The following DCDC1 variants were observed in gnomAD, a reference collection of about 807,000 sequenced individuals.
DCDC1 encodes the protein doublecortin domain-containing protein 1.
Under a neutral mutation model 178.3 loss-of-function variants are expected in DCDC1, and 200 were observed. The observed-to-expected ratio is 1.12, with a 90% CI of 1.00 to 1.26. The LOEUF is 1.26. Ranked by LOEUF, DCDC1 falls within the 50% of genes most tolerant of loss-of-function variation. The pLI is 0.00. For missense variants in DCDC1, 1,983 were observed against 1,749.2 expected, an observed-to-expected ratio of 1.13 and a Z score of -2.38; for synonymous variants, 690 against 604.8, an observed-to-expected ratio of 1.14 and a Z score of -2.07.
At chr11:31,200,002 T>A (rs1262850380) in intron 9 of DCDC1, among the ~76,000 whole-genome samples, 1 of 152,124 alleles carries the variant, frequency 6.6e-6, no homozygotes, top group Non-Finnish European at 1.5e-5. Context: ...GATCAATGTT[T>A]ATAAGGAATC....
intron 29 of DCDC1, 80 bp from the exon 30 acceptor site, chr11:30,906,805 A>C: frequency 7.9e-7 from 1 of 1,272,642 alleles, no homozygotes; most frequent in Non-Finnish European, 1.0e-6. Flanking sequence ...TTACAATATA[A>C]ATATAGCACT....
At chr11:31,043,617 A>G (rs1019599192) in intron 20 of DCDC1, among the ~76,000 whole-genome samples, 19 of 152,086 alleles carry the variant, frequency 1.2e-4, no homozygotes, top group African/African-American at 3.4e-4. Flanking sequence ...CGAATTCCTG[A>G]TGGTCAACAA....
intron 9 of DCDC1, among the ~76,000 whole-genome samples, chr11:31,173,793 T>C (rs1967590949): frequency 6.6e-6 from 1 of 151,872 alleles, no homozygotes; most frequent in Non-Finnish European, 1.5e-5. Flanking sequence ...TTTAGACATC[T>C]TTTTTGGGTG....
At chr11:31,273,917 A>C (rs1216969814) in intron 7 of DCDC1, among the ~76,000 whole-genome samples, 1 of 152,132 alleles carries the variant, frequency 6.6e-6, no homozygotes, top group Non-Finnish European at 1.5e-5. Context: ...TTGTGCAGGG[A>C]AACTCCTCCT....
At chr11:30,986,636 C>T (rs1474211370) in intron 20 of DCDC1, among the ~76,000 whole-genome samples, 2 of 152,082 alleles carry the variant, frequency 1.3e-5, no homozygotes, top group Non-Finnish European at 2.9e-5. Context: ...CAGCCAATGA[C>T]TTCTACTTTT....
chr11:31,064,040 A>T (rs1385600785), intron 20 of DCDC1, among the ~76,000 whole-genome samples: 1 of 152,154 alleles, frequency 6.6e-6, no homozygotes, highest in Non-Finnish European at 1.5e-5. Context: ...TTGATTTGTT[A>T]TCACTGGTTA....
At chr11:31,290,067 C>A (rs770308716) in intron 7 of DCDC1, among the ~76,000 whole-genome samples, 6 of 152,002 alleles carry the variant, frequency 3.9e-5, no homozygotes, top group Non-Finnish European at 8.8e-5. Context: ...AAAGTACAAG[C>A]ACCTTCTAAG....
intron 10 of DCDC1, among the ~76,000 whole-genome samples, chr11:31,133,860 T>A (rs992002790): frequency 6.6e-6 from 1 of 152,132 alleles, no homozygotes; most frequent in African/African-American, 2.4e-5. Context: ...TGCACCAGCA[T>A]GCTCAGCTAA....
At chr11:31,301,156 C>A (rs1948089856) in intron 6 of DCDC1, among the ~76,000 whole-genome samples, 2 of 152,264 alleles carry the variant, frequency 1.3e-5, no homozygotes, top group South Asian at 4.1e-4. Context: ...GAATCATATG[C>A]TGTCTGAGAA....
At position 31,115,914 on chromosome 11, in the gene DCDC1, C is replaced by T. The variant is rs1266510959; in HGVS notation, c.1486-5553G>A. Among the ~76,000 whole-genome samples the T allele has an allele frequency of 2.1e-5, 3 of 144,220 alleles. No homozygotes were observed. The East Asian group carries it at 6.1e-4, about 29-fold the overall frequency. 94.6% of individuals were successfully genotyped at this position (144,220 alleles called of 152,430 possible). A position where few individuals can be genotyped will look rare whatever the true frequency, so the allele number is the denominator to read the frequency against. On this transcript the variant is annotated intron_variant, in intron 11 of 38. Transcript: ENST00000684477. ...TGCAGGCTGCCCCGAGGGTGGGAGC[C>T]TAATCTTGGGAGAAGCAGCTCCTTT... is the stretch of plus-strand genomic sequence containing the variant.
intron 8 of DCDC1, among the ~76,000 whole-genome samples, chr11:31,261,153 C>A (rs1944755842): frequency 6.6e-6 from 1 of 152,122 alleles, no homozygotes; most frequent in South Asian, 2.1e-4. Flanking sequence ...GCCCCACTGG[C>A]CCAAATCTCC....
At chr11:31,331,220 C>A (rs1398314276) in intron 2 of DCDC1, among the ~76,000 whole-genome samples, 1 of 152,076 alleles carries the variant, frequency 6.6e-6, no homozygotes, top group Non-Finnish European at 1.5e-5. Context: ...GTGATTTTTG[C>A]ACATTGATTT....
chr11:30,965,073 AG>A (rs1949347818), intron 20 of DCDC1, among the ~76,000 whole-genome samples: 1 of 152,214 alleles, frequency 6.6e-6, no homozygotes, highest in Non-Finnish European at 1.5e-5. Context: ...CTTGGACACC[AG>A]TGGAGTGCAA....
At chr11:30,990,833 T>C (rs149860922) in intron 20 of DCDC1, among the ~76,000 whole-genome samples, 7 of 152,334 alleles carry the variant, frequency 4.6e-5, no homozygotes, top group African/African-American at 1.7e-4. Context: ...CTGACGCTAA[T>C]CACGCAAGTG....
intron 9 of DCDC1, among the ~76,000 whole-genome samples, chr11:31,228,700 T>C (rs1975338563): frequency 2.0e-5 from 3 of 152,044 alleles, no homozygotes; most frequent in Admixed American, 2.0e-4. Flanking sequence ...ATTGCCAATA[T>C]AAGGAATTAA....
chr11:31,236,739 C>T (rs571939884), intron 9 of DCDC1, among the ~76,000 whole-genome samples: 4 of 151,864 alleles, frequency 2.6e-5, no homozygotes, highest in Non-Finnish European at 5.9e-5. Flanking sequence ...GTTTTCATCT[C>T]GAAATGACTA....
At chr11:30,937,070 C>T (rs2134357180) in intron 21 of DCDC1, among the ~76,000 whole-genome samples, 1 of 152,218 alleles carries the variant, frequency 6.6e-6, no homozygotes, top group Non-Finnish European at 1.5e-5. Context: ...ATTTGTCCTT[C>T]CTCTATTCTT....
chr11:31,054,621 C>A (rs987577295), intron 20 of DCDC1, among the ~76,000 whole-genome samples: 7 of 152,170 alleles, frequency 4.6e-5, no homozygotes, highest in African/African-American at 1.4e-4. Flanking sequence ...CAGCACAATA[C>A]TGGTGTAAAA....
At chr11:31,050,527 G>C (rs901237154) in intron 20 of DCDC1, among the ~76,000 whole-genome samples, 6 of 152,200 alleles carry the variant, frequency 3.9e-5, no homozygotes, top group Admixed American at 3.9e-4. Flanking sequence ...AAAGCACCGT[G>C]TCCTGGCAGG....
Sources: gnomAD v4.1 joint callset for allele counts (sites outside exome capture counted in the v4.1 genomes callset) on GRCh38, gnomAD v4.1.1 for gene constraint, MANE v1.5 for transcripts, NCBI Gene and HGNC (gene_info 2026-07-23, HGNC 2026-07-21) for gene names.